The following FCRL3 variants were observed in gnomAD, a reference collection of about 807,000 sequenced individuals.
FCRL3 encodes Fc receptor like 3, also known as Fc receptor-like protein 3.
Under a neutral mutation model 75.0 loss-of-function variants are expected in FCRL3, and 89 were observed. The observed-to-expected ratio is 1.19, with a 90% CI of 1.00 to 1.42. The LOEUF (loss-of-function observed/expected upper bound fraction) is 1.42, where lower values mean the gene tolerates loss of function less well. Among genes scored for constraint, FCRL3 ranks in the 40% most tolerant of loss-of-function variants. The pLI is 0.00. For synonymous variants in FCRL3, 376 were observed against 348.5 expected (o/e 1.08, Z -0.88); for missense variants, 946 against 880.0 (o/e 1.07, Z -0.95).
At chr1:157,695,988 A>G in intron 7 of FCRL3, 52 bp downstream of exon 7, 3 of 1,494,498 alleles carry the variant, frequency 2.0e-6, no homozygotes, top group South Asian at 1.2e-5. Flanking sequence ...CTGACAGAGA[A>G]CCTAAACCCT....
rs1358447992 is a variant in FCRL3 at position 157,690,479 on chromosome 1, A to C, written c.1466T>G (p.Val489Gly). The change falls in exon 9 of 15, where the codon GTG becomes GGG. Residue 489 changes from valine (V) to glycine (G), a missense_variant. Val to Gly is a moderately radical substitution (Grantham distance 109). Transcript: ENST00000368184. ...ACAGTGAAGCTCCAGCAGGTCCCCC[A>C]CCACAGCCTGGGCCCCGGGAGCCCT... ...TLRAPGAQAVVGDLLELHCES... is the reference protein window; with the variant it reads ...TLRAPGAQAVGGDLLELHCES... 1 of 1,614,212 alleles carries C rather than the reference A, an allele frequency of 6.2e-7. No homozygotes were observed. Among genetic ancestry groups the C allele is most frequent in the African/African-American group, 1.3e-5 (1 of 75,060 alleles).
chr1:157,680,870 A>AC, intron 12 of FCRL3, 100 bp from the exon 13 acceptor site: 1 of 1,411,010 alleles, frequency 7.1e-7, no homozygotes, highest in Non-Finnish European at 9.9e-7. Context: ...TTCCCAGTGT[A>AC]ATGCTAGGAA....
At chr1:157,684,936 T>C (rs746495223) in intron 10 of FCRL3, among the ~76,000 whole-genome samples, 1 of 152,154 alleles carries the variant, frequency 6.6e-6, no homozygotes, top group Non-Finnish European at 1.5e-5. Flanking sequence ...AGGGAGACTT[T>C]GCTATGAGGA....
rs1656101886 is a variant in FCRL3 at position 157,698,440 on chromosome 1, T to G, written c.242A>C (p.Gln81Pro). 1 of 1,614,082 alleles carries G rather than the reference T, an allele frequency of 6.2e-7. No homozygotes were observed. The highest frequency in any genetic ancestry group is 8.5e-7 in the Non-Finnish European group (1 of 1,179,896). Residue 81 changes from glutamine (Q) to proline (P), a missense_variant, in exon 4 of 15, where the codon CAA becomes CCA. Transcript: ENST00000368184. The part of the protein sequence containing the change: ...KIQITEPGNY[Q>P]CKTRGSSLSD... ...GAGGGAGGATCCTCGGGTCTTACAT[T>G]GGTAATTTCCAGGCTCTGTAATTTG... is the stretch of plus-strand genomic sequence containing the variant.
In FCRL3 at chr1:157,696,063, G is replaced by C. The variant is rs763145695; in HGVS notation, c.1109C>G (p.Thr370Arg). Reference protein sequence around the residue: ...ADNVHSPILSTWIRVTVRIPV... With the variant: ...ADNVHSPILSRWIRVTVRIPV... ...ACTTCTCACGGTGACTCGAATCCAC[G>C]TGCTGAGGATGGGGCTGTGAACGTT... Residue 370 changes from threonine (T) to arginine (R), a missense_variant, in exon 7 of 15, where the codon ACG (threonine) becomes AGG (arginine). By Grantham distance (71) the Thr-to-Arg change is moderately conservative. Transcript: ENST00000368184. 2 of 1,611,108 alleles carry C rather than the reference G, an allele frequency of 1.2e-6. No individual in the cohort carries two copies. Among genetic ancestry groups the C allele is most frequent in the African/African-American group, 2.7e-5 (2 of 74,670 alleles).
Position 157,684,986 on chromosome 1 carries a change from C to G in FCRL3, c.1811-1742G>C, listed in dbSNP as rs561777792. 2.0e-5 allele frequency among the ~76,000 whole-genome samples: 3 copies of G among 152,118 alleles called. No homozygotes were observed. In the South Asian group the frequency reaches 6.2e-4, roughly 32 times the overall value. ...GATTTTGAGAAAAGAAGAGCACAGACCCTCTGCTTGGTGAACTGTCCTAAT... is the reference window on the plus strand; with the variant it reads ...GATTTTGAGAAAAGAAGAGCACAGAGCCTCTGCTTGGTGAACTGTCCTAAT... On this transcript the variant is annotated intron_variant, in intron 10 of 14. Coordinates refer to ENST00000368184, the MANE Select transcript of FCRL3 (RefSeq NM_052939.4).
At position 157,695,281 on chromosome 1, in the gene FCRL3, A is replaced by G. The variant is rs573406072; in HGVS notation, c.1411+48T>C. On this transcript the variant is annotated intron_variant, in intron 8 of 14. Coordinates refer to ENST00000368184, the MANE Select transcript of FCRL3 (RefSeq NM_052939.4). ...CCAGTGGAGCTATTTCTGAGAAGAC[A>G]TGATCTGTTGTATTGGCTGTTAACT... The G allele has an allele frequency of 1.3e-5, 20 of 1,561,352 alleles. No individual in the cohort carries two copies. In the East Asian group the frequency reaches 4.1e-4, roughly 32 times the overall value.
chr1:157,678,270 C>T lies in FCRL3; in HGVS notation c.*440G>A. 9.9e-7 allele frequency: 1 copy of T among 1,005,948 alleles called. No homozygotes were observed. The highest frequency in any genetic ancestry group is 1.2e-6 in the Non-Finnish European group (1 of 842,140). 62.3% of individuals were successfully genotyped at this position (1,005,948 alleles called of 1,614,324 possible). ...GGTAGCAAGGATACAGCATATACAC[C>T]AAAACATCAGCAATGCCACTACCAG... On this transcript the variant is annotated 3_prime_UTR_variant, in exon 15 of 15. Coordinates refer to ENST00000368184, the MANE Select transcript of FCRL3 (RefSeq NM_052939.4).
At position 157,689,783 on chromosome 1, in the gene FCRL3, G is replaced by C; in HGVS notation, c.1810+15C>G. The C allele has an allele frequency of 6.8e-6, 11 of 1,614,062 alleles. No individual in the cohort carries two copies. Among genetic ancestry groups the C allele is most frequent in the Non-Finnish European group, 9.3e-6 (11 of 1,179,972 alleles). On this transcript the variant is annotated intron_variant, in intron 10 of 14. Coordinates refer to ENST00000368184, the MANE Select transcript of FCRL3 (RefSeq NM_052939.4). ...ACGGCAAAATCACATCACAAGGTAGGACCTAGACACCCACCTGGTTTCCTT... is the reference window on the plus strand; with the variant it reads ...ACGGCAAAATCACATCACAAGGTAGCACCTAGACACCCACCTGGTTTCCTT...
intron 13 of FCRL3, among the ~76,000 whole-genome samples, chr1:157,679,368 C>T (rs1232574159): frequency 6.6e-6 from 1 of 152,140 alleles, no homozygotes; most frequent in Non-Finnish European, 1.5e-5. Flanking sequence ...TATTGATCCT[C>T]TGGGAGAAGG....
At position 157,678,311 on chromosome 1, in the gene FCRL3, A is replaced by G; in HGVS notation, c.*399T>C. On this transcript the variant is annotated 3_prime_UTR_variant, in exon 15 of 15. Transcript: ENST00000368184. The stretch of plus-strand genomic sequence containing the variant: ...CCACTACCAGCCACACAAAAAAGGG[A>G]AACAAAATATTTGGAGCAAATTGTT... The G allele has an allele frequency of 9.9e-7, 1 of 1,013,366 alleles. No individual in the cohort carries two copies. The highest frequency in any genetic ancestry group is 1.2e-6 in the Non-Finnish European group (1 of 847,008). 62.8% of individuals were successfully genotyped at this position (1,013,366 alleles called of 1,614,324 possible). A position where few individuals can be genotyped will look rare whatever the true frequency, so the allele number is the denominator to read the frequency against.
chr1:157,689,911 G>T lies in FCRL3; in HGVS notation c.1697C>A (p.Ser566Tyr), dbSNP rs74120720. 291 of 1,614,142 alleles carry T rather than the reference G, an allele frequency of 1.8e-4. 2 individuals carry two copies. In the African/African-American group the frequency reaches 3.4e-3, roughly 19 times the overall value. Residue 566 changes from serine (S) to tyrosine (Y), a missense_variant, in exon 10 of 15, where the codon TCC becomes TAC. Coordinates refer to ENST00000368184, the MANE Select transcript of FCRL3 (RefSeq NM_052939.4). ...KVVTLNVTGT[S>Y]RNRTGLTAAG... is the part of the protein sequence containing the mutation. ...AGCGGTAAGGCCTGTTCTGTTCCTG[G>T]AAGTTCCTGAGTGGAGGGAGCTGTA...
chr1:157,696,078 C>T lies in FCRL3; in HGVS notation c.1094G>A (p.Ser365Asn). 1 of 1,613,258 alleles carries T rather than the reference C, an allele frequency of 6.2e-7. No individual in the cohort carries two copies. ...RYYCAADNVH[S>N]PILSTWIRVT... ...TCGAATCCACGTGCTGAGGATGGGG[C>T]TGTGAACGTTATCAGCTGCACAGTA... The change falls in exon 7 of 15, where the codon AGC becomes AAC. Residue 365 changes from serine (S) to asparagine (N), a missense_variant. Coordinates refer to ENST00000368184, the MANE Select transcript of FCRL3 (RefSeq NM_052939.4).
intron 10 of FCRL3, among the ~76,000 whole-genome samples, chr1:157,685,594 C>T (rs1419814229): frequency 6.6e-6 from 1 of 152,064 alleles, no homozygotes; most frequent in African/African-American, 2.4e-5. Flanking sequence ...GACACTTGAC[C>T]AAATAGACCT....
At chr1:157,680,580 A>G (rs1654771942) in intron 13 of FCRL3, 122 bp downstream of exon 13, 3 of 742,250 alleles carry the variant, frequency 4.0e-6, no homozygotes, top group Non-Finnish European at 6.9e-6. Flanking sequence ...AGCTGACACT[A>G]TGGGAGGCAA....
chr1:157,697,385 G>A lies in FCRL3; in HGVS notation c.599C>T (p.Thr200Met), dbSNP rs375297389. Residue 200 changes from threonine (T) to methionine (M), a missense_variant, in exon 6 of 15, where the codon ACG becomes ATG. Coordinates refer to ENST00000368184, the MANE Select transcript of FCRL3 (RefSeq NM_052939.4). Reference protein sequence around the residue: ...LHPVLRASSSTPIEGSPMTLT... With the variant: ...LHPVLRASSSMPIEGSPMTLT... ...GGTCATGGGACTCCCCTCTATGGGC[G>A]TGGAAGAGCTGGCTCTCAGCACAGG... 22 of 1,566,414 alleles carry A rather than the reference G, an allele frequency of 1.4e-5. No homozygotes were observed. The highest frequency in any genetic ancestry group is 4.1e-5 in the African/African-American group (3 of 72,892).
rs560230200 is a variant in FCRL3, at chr1:157,680,223, A to C, written c.2026+479T>G. ...AAGCTTGCAGGAGGAGCCAGCGTGC[A>C]GAAGGCAAAGATCATGCTTTGGAAT... is the stretch of plus-strand genomic sequence containing the variant. On this transcript the variant is annotated intron_variant, in intron 13 of 14. Coordinates refer to ENST00000368184, the MANE Select transcript of FCRL3 (RefSeq NM_052939.4). Among the ~76,000 whole-genome samples, 163 of 152,238 alleles carry C rather than the reference A, an allele frequency of 1.1e-3. 1 individual carries two copies. The highest frequency in any genetic ancestry group is 2.0e-3 in the Non-Finnish European group (136 of 68,048).
At chr1:157,696,781 G>A (rs549963875) in intron 6 of FCRL3, 49 of 219,372 alleles carry the variant, frequency 2.2e-4, no homozygotes, top group South Asian at 6.2e-4. Context: ...TCCCCTTTTC[G>A]GACTATTTTG....
chr1:157,690,191 A>G (rs1316412284), intron 9 of FCRL3, 64 bp downstream of exon 9: 9 of 1,573,484 alleles, frequency 5.7e-6, no homozygotes, highest in African/African-American at 2.7e-5. Context: ...AATTTGTACA[A>G]TCTGTCAGAT....
Sources: allele counts gnomAD v4.1 joint callset (sites outside exome capture counted in the v4.1 genomes callset), GRCh38; gene constraint gnomAD v4.1.1; transcripts MANE v1.5; gene names NCBI Gene and HGNC (gene_info 2026-07-23, HGNC 2026-07-21).